The following ZNF490 variants were observed in gnomAD, a reference collection of about 807,000 sequenced individuals.
The protein encoded by ZNF490 is zinc finger protein 490.
A neutral mutation model predicts 17.7 loss-of-function variants in ZNF490; 11 were observed. The ratio of observed to expected loss-of-function variants is 0.62; its 90% CI spans 0.39 to 1.03. The LOEUF is 1.03. ZNF490 is among the 50% of genes least tolerant of loss of function. ZNF490 has a pLI of 0.00. For missense variants in ZNF490, 542 were observed against 643.4 expected (o/e 0.84, Z 1.71); for synonymous variants, 222 against 216.1 (o/e 1.03, Z -0.24).
Position 12,578,744 on chromosome 19 carries a change from G to A in ZNF490, c.*1741C>T. ...AGTCTTCTCACTTCTCTCCAGTCAT[G>A]TGTGAGAGCTGAGGGCAGGCACTGC... On this transcript the variant is annotated 3_prime_UTR_variant, in exon 5 of 5. Coordinates refer to ENST00000311437, the MANE Select transcript of ZNF490 (RefSeq NM_020714.3). 1.0e-6 allele frequency: 1 copy of A among 985,430 alleles called. No individual in the cohort carries two copies. Among genetic ancestry groups the A allele is most frequent in the Non-Finnish European group, 1.2e-6 (1 of 829,928 alleles). The allele number at this position is 985,430 out of a possible 1,614,324, so 61.0% of individuals were successfully genotyped here.
chr19:12,582,249 A>G (rs1256750839), intron 4 of ZNF490, among the ~76,000 whole-genome samples: 1 of 121,402 alleles, frequency 8.2e-6, no homozygotes, highest in Non-Finnish European at 1.9e-5. Context: ...CACCCTGAAC[A>G]TCTATTGCTT....
chr19:12,598,701 G>A (rs968782587), intron 2 of ZNF490, among the ~76,000 whole-genome samples: 9 of 150,258 alleles, frequency 6.0e-5, no homozygotes, highest in African/African-American at 2.2e-4. Flanking sequence ...TTAAAACCCA[G>A]GATTCTGCCG....
chr19:12,591,304 C>T (rs570622022), intron 2 of ZNF490, among the ~76,000 whole-genome samples: 3 of 151,876 alleles, frequency 2.0e-5, no homozygotes, highest in Non-Finnish European at 2.9e-5. Context: ...TAGAATAAAT[C>T]GCTTGAACCT....
intron 2 of ZNF490, among the ~76,000 whole-genome samples, chr19:12,596,155 C>T (rs1054058536): frequency 6.7e-6 from 1 of 149,032 alleles, no homozygotes; most frequent in Non-Finnish European, 1.5e-5. Context: ...ATACCAGCTA[C>T]TCAGGAGGCT....
intron 2 of ZNF490, among the ~76,000 whole-genome samples, chr19:12,584,517 C>T (rs1009187523): frequency 1.1e-5 from 1 of 94,170 alleles, no homozygotes; most frequent in East Asian, 2.0e-4. Flanking sequence ...AAATGCTGTA[C>T]AAATGAAACA....
At chr19:12,606,995 A>T (rs941725114) in intron 2 of ZNF490, among the ~76,000 whole-genome samples, 1 of 152,050 alleles carries the variant, frequency 6.6e-6, no homozygotes, top group Non-Finnish European at 1.5e-5. Context: ...CAAATGAAAA[A>T]AGTTAAGTAT....
In ZNF490 at chr19:12,587,936, C is replaced by T. The variant is rs565596313; in HGVS notation, c.163-4380G>A. Among the ~76,000 whole-genome samples, 4 of 94,284 alleles carry T rather than the reference C, an allele frequency of 4.2e-5. 2 individuals carry two copies. The highest frequency in any genetic ancestry group is 1.1e-4 in the Non-Finnish European group (4 of 34,960). The allele number at this position is 94,284 out of a possible 152,430, so 61.9% of individuals were successfully genotyped here. A position where few individuals can be genotyped will look rare whatever the true frequency, so the allele number is the denominator to read the frequency against. Reference sequence around the variant, plus strand: ...CCAGGCTGGAGTGCGATGGCGCAATCTCGGCTCGCTACAACCTCCGCCTCC... The same window carrying T: ...CCAGGCTGGAGTGCGATGGCGCAATTTCGGCTCGCTACAACCTCCGCCTCC... On this transcript the variant is annotated intron_variant, in intron 2 of 4. Coordinates refer to ENST00000311437, the MANE Select transcript of ZNF490 (RefSeq NM_020714.3).
chr19:12,610,606 AGAC>A lies in ZNF490; in HGVS notation c.72_74del (p.Ser26del), dbSNP rs2023137191. ...CTCCTGTTCCTGTGCGGCCTTGACT[AGAC>A]GACCACTTGCTCTGGACTTGCTCCT... On this transcript the variant is annotated inframe_deletion, in exon 1 of 5. Coordinates refer to ENST00000311437, the MANE Select transcript of ZNF490 (RefSeq NM_020714.3). 6.2e-7 allele frequency: 1 copy of A among 1,613,782 alleles called. No individual in the cohort carries two copies. The highest frequency in any genetic ancestry group is 8.5e-7 in the Non-Finnish European group (1 of 1,179,978).
At chr19:12,599,118 C>T (rs1443514990) in intron 2 of ZNF490, among the ~76,000 whole-genome samples, 6 of 100,570 alleles carry the variant, frequency 6.0e-5, no homozygotes, top group African/African-American at 2.5e-4. Flanking sequence ...CCAGCCTGGG[C>T]AACAGAGCAA....
At position 12,581,336 on chromosome 19, in the gene ZNF490, C is replaced by G. The variant is rs1324171773; in HGVS notation, c.739G>C (p.Glu247Gln). The G allele has an allele frequency of 6.2e-7, 1 of 1,614,160 alleles. No homozygotes were observed. Among genetic ancestry groups the G allele is most frequent in the Non-Finnish European group, 8.5e-7 (1 of 1,180,020 alleles). Residue 247 changes from glutamate to glutamine, a missense_variant, in exon 5 of 5, where the codon GAG (glutamate) becomes CAG (glutamine). Coordinates refer to ENST00000311437, the MANE Select transcript of ZNF490 (RefSeq NM_020714.3). ...FRNHIRIHTG[E>Q]TPYECKECGK... is the part of the protein sequence containing the mutation. ...CATTCCTTACATTCATAGGGTGTCT[C>G]TCCAGTATGAATTCTTATATGGTTT...
chr19:12,593,854 A>C (rs1185105784), intron 2 of ZNF490, among the ~76,000 whole-genome samples: 1 of 152,178 alleles, frequency 6.6e-6, no homozygotes, highest in Non-Finnish European at 1.5e-5. Flanking sequence ...CTGGCAAGGA[A>C]GAAAGAAAAG....
At chr19:12,582,716 C>T (rs2022755060) in intron 4 of ZNF490, 134 bp downstream of exon 4, 1 of 825,498 alleles carries the variant, frequency 1.2e-6, no homozygotes, top group East Asian at 2.5e-5. Flanking sequence ...TTCAATGAAA[C>T]ACCTTCAGTA....
intron 2 of ZNF490, among the ~76,000 whole-genome samples, chr19:12,593,659 A>G (rs1471029752): frequency 6.6e-6 from 1 of 152,172 alleles, no homozygotes; most frequent in Non-Finnish European, 1.5e-5. Context: ...TAAGATGACT[A>G]ACTGATGAAC....
At chr19:12,608,302 G>A (rs1434977979) in intron 2 of ZNF490, among the ~76,000 whole-genome samples, 1 of 151,908 alleles carries the variant, frequency 6.6e-6, no homozygotes, top group Non-Finnish European at 1.5e-5. Flanking sequence ...GTGTTTTTTT[G>A]AGACAGGGTC....
chr19:12,602,253 T>C (rs1236207735), intron 2 of ZNF490, among the ~76,000 whole-genome samples: 4 of 151,626 alleles, frequency 2.6e-5, no homozygotes, highest in Non-Finnish European at 4.4e-5. Flanking sequence ...AAATTGTATA[T>C]CAGAAAACCT....
Position 12,578,886 on chromosome 19 carries a change from T to C in ZNF490, c.*1599A>G, listed in dbSNP as rs546067129. The C allele has an allele frequency of 1.1e-5, 11 of 985,444 alleles. No individual in the cohort carries two copies. In the Admixed American group the frequency reaches 6.1e-4, roughly 55 times the overall value. The allele number at this position is 985,444 out of a possible 1,614,324, so 61.0% of individuals were successfully genotyped here. A position where few individuals can be genotyped will look rare whatever the true frequency, so the allele number is the denominator to read the frequency against. Reference sequence around the variant, plus strand: ...GAAGAATCTCGACAATGGTTGCAGATGTCATTGAAGATGTTCCCATATTGC... The same window carrying C: ...GAAGAATCTCGACAATGGTTGCAGACGTCATTGAAGATGTTCCCATATTGC... On this transcript the variant is annotated 3_prime_UTR_variant, in exon 5 of 5. Coordinates refer to ENST00000311437, the MANE Select transcript of ZNF490 (RefSeq NM_020714.3).
At chr19:12,601,725 G>GCT (rs1415767844) in intron 2 of ZNF490, among the ~76,000 whole-genome samples, 5 of 152,234 alleles carry the variant, frequency 3.3e-5, no homozygotes, top group East Asian at 1.9e-4. Context: ...AGGTGCGGTG[G>GCT]CATAGGCCTG....
rs1156638370 is a variant in ZNF490 at position 12,580,016 on chromosome 19, A to C, written c.*469T>G. On this transcript the variant is annotated 3_prime_UTR_variant, in exon 5 of 5. Transcript: ENST00000311437. ...CAGCTTCTTGGGAGGCTGCGGCAGG[A>C]GAATTGCTTGAATCCGGGAGGCGGA... 2 of 372,856 alleles carry C rather than the reference A, an allele frequency of 5.4e-6. No individual in the cohort carries two copies. The highest frequency in any genetic ancestry group is 7.4e-6 in the Non-Finnish European group (2 of 269,542). The allele number at this position is 372,856 out of a possible 1,614,324, so 23.1% of individuals were successfully genotyped here.
intron 2 of ZNF490, among the ~76,000 whole-genome samples, chr19:12,598,746 T>C (rs1162952614): frequency 6.6e-6 from 1 of 150,850 alleles, no homozygotes; most frequent in Admixed American, 6.6e-5. Context: ...CCCAGCACTT[T>C]GGGAGGCTGA....
Sources: allele counts gnomAD v4.1 joint callset (sites outside exome capture counted in the v4.1 genomes callset), GRCh38; gene constraint gnomAD v4.1.1; transcripts MANE v1.5; gene names NCBI Gene and HGNC (gene_info 2026-07-23, HGNC 2026-07-21).